ADAMTS12: variants seen among roughly 807,000 people sequenced by gnomAD.
ADAMTS12 encodes A disintegrin and metalloproteinase with thrombospondin motifs 12.
Under a neutral mutation model 167.8 loss-of-function variants are expected in ADAMTS12, and 118 were observed. That is an observed-to-expected ratio of 0.70 (90% CI 0.61 to 0.82). The LOEUF (loss-of-function observed/expected upper bound fraction) is 0.82. Among genes scored for constraint, ADAMTS12 ranks in the 40% least tolerant of loss-of-function variants. The pLI is 0.00. For synonymous variants in ADAMTS12, 704 were observed against 716.9 expected, an observed-to-expected ratio of 0.98 and a Z score of 0.29; for missense variants, 1,916 against 1,998.8, an observed-to-expected ratio of 0.96 and a Z score of 0.79.
In ADAMTS12 at chr5:33,624,366, G is replaced by C; in HGVS notation, c.2023-15C>G. 3 of 1,613,636 alleles carry C rather than the reference G, an allele frequency of 1.9e-6. No homozygotes were observed. The highest frequency in any genetic ancestry group is 3.3e-5 in the Admixed American group (2 of 59,992). ...CAGCCAACCATCTGTGGGGAAGAGA[G>C]GTGGAGGATGAATGCCCAGGCAGGG... On this transcript the variant is annotated splice_polypyrimidine_tract_variant and intron_variant, in intron 13 of 23. Transcript: ENST00000504830.
Position 33,661,981 on chromosome 5 carries a change from C to G in ADAMTS12, c.975G>C (p.Gln325His), listed in dbSNP as rs778154722. The stretch of plus-strand genomic sequence containing the variant: ...GGTCACTCTTGGGATTGATACTCTT[C>G]TGCCACTTGCAGAAGCTAGACAGTG... Reference protein sequence around the residue: ...EKTLSSFCKWQKSINPKSDLN... With the variant: ...EKTLSSFCKWHKSINPKSDLN... Residue 325 changes from glutamine to histidine, a missense_variant, in exon 6 of 24, where the codon CAG becomes CAC. Transcript: ENST00000504830. The G allele has an allele frequency of 4.5e-5, 73 of 1,613,156 alleles. No homozygotes were observed. The highest frequency in any genetic ancestry group is 4.7e-5 in the Non-Finnish European group (55 of 1,179,670).
At chr5:33,832,890 G>A (rs1289286314) in intron 2 of ADAMTS12, among the ~76,000 whole-genome samples, 1 of 152,104 alleles carries the variant, frequency 6.6e-6, no homozygotes, top group Non-Finnish European at 1.5e-5. Flanking sequence ...AAATCAAATG[G>A]CCTGAAATCA....
intron 23 of ADAMTS12, among the ~76,000 whole-genome samples, chr5:33,532,183 C>T (rs25750): frequency 0.48 from 73,176 of 151,998 alleles, 18,765 homozygotes; most frequent in East Asian, 0.78. Flanking sequence ...TTGTCAGCTG[C>T]GTTATCAGGC....
At chr5:33,854,174 G>A (rs1749320564) in intron 2 of ADAMTS12, among the ~76,000 whole-genome samples, 1 of 152,140 alleles carries the variant, frequency 6.6e-6, no homozygotes, top group Non-Finnish European at 1.5e-5. Context: ...CAGGCCTCTT[G>A]TTTTCCCATT....
intron 2 of ADAMTS12, among the ~76,000 whole-genome samples, chr5:33,818,604 C>T (rs1213980464): frequency 6.6e-6 from 1 of 151,970 alleles, no homozygotes; most frequent in Non-Finnish European, 1.5e-5. Context: ...GGAGGGATTG[C>T]TGGGTCACAT....
Position 33,535,906 on chromosome 5 carries a change from C to G in ADAMTS12, c.4447-914G>C, listed in dbSNP as rs1039972956. On this transcript the variant is annotated intron_variant, in intron 22 of 23. Coordinates refer to ENST00000504830, the MANE Select transcript of ADAMTS12 (RefSeq NM_030955.4). The stretch of plus-strand genomic sequence containing the variant: ...AGCTGGGGAAGAAGCAGAGCAACAG[C>G]GGACCCAGCTCTGTGCCTAGCTGGA... Among the ~76,000 whole-genome samples the G allele has an allele frequency of 3.3e-5, 5 of 152,096 alleles. No individual in the cohort carries two copies. The East Asian group carries it at 9.7e-4, about 30-fold the overall frequency.
At chr5:33,593,110 C>G (rs944387593) in intron 17 of ADAMTS12, among the ~76,000 whole-genome samples, 2 of 152,140 alleles carry the variant, frequency 1.3e-5, no homozygotes, top group Non-Finnish European at 1.5e-5. Flanking sequence ...AACCTAATCT[C>G]TAGTAAAAAT....
intron 2 of ADAMTS12, among the ~76,000 whole-genome samples, chr5:33,792,138 C>A (rs1283424150): frequency 1.3e-5 from 2 of 151,808 alleles, no homozygotes; most frequent in Non-Finnish European, 2.9e-5. Flanking sequence ...GCTGGGATTA[C>A]AGGCGCCCAC....
Position 33,699,692 on chromosome 5 carries a change from A to G in ADAMTS12, c.635-15637T>C, listed in dbSNP as rs139642915. 8.5e-5 allele frequency among the ~76,000 whole-genome samples: 13 copies of G among 152,296 alleles called. No homozygotes were observed. The East Asian group carries it at 2.5e-3, about 29-fold the overall frequency. On this transcript the variant is annotated intron_variant, in intron 3 of 23. Coordinates refer to ENST00000504830, the MANE Select transcript of ADAMTS12 (RefSeq NM_030955.4). Reference sequence around the variant, plus strand: ...TAAAAGCCACCAGATTGTTGTACACATTAAAATAGTGAATTGTATGCAAAT... The same window carrying G: ...TAAAAGCCACCAGATTGTTGTACACGTTAAAATAGTGAATTGTATGCAAAT...
chr5:33,861,294 G>A (rs1168563431), intron 2 of ADAMTS12, among the ~76,000 whole-genome samples: 2 of 152,190 alleles, frequency 1.3e-5, no homozygotes, highest in Middle Eastern at 3.4e-3. Context: ...AATCTCACAT[G>A]CAAAGACACA....
chr5:33,636,779 G>T (rs1163129136), intron 12 of ADAMTS12, among the ~76,000 whole-genome samples: 1 of 152,084 alleles, frequency 6.6e-6, no homozygotes, highest in African/African-American at 2.4e-5. Context: ...TTCCTACTCA[G>T]ATAACAACAA....
intron 5 of ADAMTS12, among the ~76,000 whole-genome samples, chr5:33,675,308 G>A (rs983077952): frequency 1.3e-5 from 2 of 152,162 alleles, no homozygotes; most frequent in Non-Finnish European, 2.9e-5. Context: ...CTAAATATAT[G>A]GGCAGGTCTG....
At chr5:33,617,031 T>C (rs577028980) in intron 14 of ADAMTS12, among the ~76,000 whole-genome samples, 3 of 152,128 alleles carry the variant, frequency 2.0e-5, no homozygotes, top group African/African-American at 7.2e-5. Flanking sequence ...GCAATGGGAG[T>C]TGAAAGACTT....
At chr5:33,683,563 A>G (rs891088728) in intron 4 of ADAMTS12, among the ~76,000 whole-genome samples, 3 of 152,184 alleles carry the variant, frequency 2.0e-5, no homozygotes, top group African/African-American at 7.2e-5. Context: ...TCGGTTTACT[A>G]ACATAAACTG....
chr5:33,858,237 GAA>G (rs77479986), intron 2 of ADAMTS12, among the ~76,000 whole-genome samples: 5,783 of 152,196 alleles, frequency 0.038, 218 homozygotes, highest in East Asian at 0.18. Flanking sequence ...ATGGGTCAAA[GAA>G]AAAGTCTCAA....
Position 33,624,221 on chromosome 5 carries a change from T to G in ADAMTS12, c.2143+10A>C, listed in dbSNP as rs1213864555. ...TCCCCTGCCACTTCGATTATTTATT[T>G]GTTTATTACCAGATCCTTCCTTCTG... On this transcript the variant is annotated intron_variant, in intron 14 of 23. Coordinates refer to ENST00000504830, the MANE Select transcript of ADAMTS12 (RefSeq NM_030955.4). 1.2e-6 allele frequency: 2 copies of G among 1,613,952 alleles called. No homozygotes were observed. The highest frequency in any genetic ancestry group is 2.2e-5 in the South Asian group (2 of 91,024).
At chr5:33,575,986 T>C (rs1265522388) in intron 19 of ADAMTS12, 68 bp downstream of exon 19, 2 of 1,527,706 alleles carry the variant, frequency 1.3e-6, no homozygotes, top group African/African-American at 1.4e-5. Context: ...TTTTGAAATT[T>C]TCACATGAAT....
intron 2 of ADAMTS12, among the ~76,000 whole-genome samples, chr5:33,770,446 G>A (rs1466661193): frequency 6.6e-6 from 1 of 152,146 alleles, no homozygotes; most frequent in East Asian, 1.9e-4. Flanking sequence ...GACAGAGCAG[G>A]AGCTTTAAGT....
At chr5:33,756,377 A>G (rs1038087819) in intron 2 of ADAMTS12, among the ~76,000 whole-genome samples, 4 of 152,216 alleles carry the variant, frequency 2.6e-5, no homozygotes, top group African/African-American at 9.7e-5. Context: ...TTAGGCGGCG[A>G]AGCCAAGATT....
Sources: gnomAD v4.1 joint callset for allele counts (sites outside exome capture counted in the v4.1 genomes callset) on GRCh38, gnomAD v4.1.1 for gene constraint, MANE v1.5 for transcripts, NCBI Gene and HGNC (gene_info 2026-07-23, HGNC 2026-07-21) for gene names.